PACRG: variants seen among roughly 807,000 people sequenced by gnomAD.
PACRG encodes the protein parkin coregulated.
In PACRG, 29 loss-of-function variants were observed where a neutral mutation model predicts 29.7. That is an observed-to-expected ratio of 0.98 (90% CI 0.73 to 1.33). PACRG has a LOEUF of 1.33. Ranked by LOEUF, PACRG falls within the 40% of genes most tolerant of loss-of-function variation. The pLI is 0.00. For missense variants in PACRG, 279 were observed against 316.2 expected, an observed-to-expected ratio of 0.88 and a Z score of 0.89; for synonymous variants, 116 against 118.7, an observed-to-expected ratio of 0.98 and a Z score of 0.15.
intron 3 of PACRG, among the ~76,000 whole-genome samples, chr6:163,083,244 C>T (rs1482149534): frequency 6.6e-6 from 1 of 152,188 alleles, no homozygotes; most frequent in Non-Finnish European, 1.5e-5. Context: ...CAAAGTCACT[C>T]CTCTGCTCAC....
chr6:162,845,355 T>C (rs1001899512), intron 2 of PACRG, among the ~76,000 whole-genome samples: 11 of 152,108 alleles, frequency 7.2e-5, no homozygotes, highest in African/African-American at 2.7e-4. Context: ...GCAAAATTCA[T>C]TGCAGTGTGG....
chr6:163,114,585 G>C (rs1815877992), intron 4 of PACRG, among the ~76,000 whole-genome samples: 1 of 152,074 alleles, frequency 6.6e-6, no homozygotes, highest in Non-Finnish European at 1.5e-5. Flanking sequence ...ATTATACTAA[G>C]TAAAATAAGC....
At chr6:162,930,107 T>A (rs1054732776) in intron 2 of PACRG, among the ~76,000 whole-genome samples, 1 of 151,882 alleles carries the variant, frequency 6.6e-6, no homozygotes, top group Admixed American at 6.6e-5. Context: ...ATCTTCAGGA[T>A]TTAAAAAAAT....
intron 3 of PACRG, among the ~76,000 whole-genome samples, chr6:163,073,072 T>C (rs1450111792): frequency 1.3e-5 from 2 of 152,136 alleles, no homozygotes; most frequent in Non-Finnish European, 2.9e-5. Context: ...AAAATACCTA[T>C]GACATTCTTC....
intron 4 of PACRG, among the ~76,000 whole-genome samples, chr6:163,210,532 C>T (rs1457332452): frequency 6.6e-6 from 1 of 152,184 alleles, no homozygotes; most frequent in Middle Eastern, 3.2e-3. Flanking sequence ...TTTCTATGGG[C>T]TGAGGACCAT....
chr6:162,881,201 A>G (rs1408259346), intron 2 of PACRG, among the ~76,000 whole-genome samples: 3 of 152,194 alleles, frequency 2.0e-5, no homozygotes, highest in Non-Finnish European at 4.4e-5. Flanking sequence ...ACGACCTGGC[A>G]GTTTTGGCTG....
intron 1 of PACRG, among the ~76,000 whole-genome samples, chr6:162,766,144 C>T (rs987616687): frequency 2.3e-4 from 35 of 152,122 alleles, no homozygotes; most frequent in African/African-American, 8.4e-4. Flanking sequence ...AGTCACAGTG[C>T]TGTGCAGTAG....
chr6:162,979,187 G>A (rs1213146243), intron 2 of PACRG, among the ~76,000 whole-genome samples: 2 of 152,108 alleles, frequency 1.3e-5, no homozygotes, highest in East Asian at 1.9e-4. Context: ...AGTCCAAGAT[G>A]CCTTTACTCT....
At chr6:162,760,542 G>A (rs1782268262) in intron 1 of PACRG, among the ~76,000 whole-genome samples, 1 of 152,144 alleles carries the variant, frequency 6.6e-6, no homozygotes, top group Admixed American at 6.5e-5. Context: ...GCCAAACTAG[G>A]CGCTTATGTT....
intron 2 of PACRG, among the ~76,000 whole-genome samples, chr6:162,966,243 G>A (rs1482510432): frequency 1.3e-5 from 2 of 152,222 alleles, no homozygotes; most frequent in African/African-American, 4.8e-5. Context: ...GTGACCCAGA[G>A]TAGGTTCAGC....
intron 2 of PACRG, among the ~76,000 whole-genome samples, chr6:162,836,286 G>A (rs538038183): frequency 2.8e-3 from 421 of 151,896 alleles, no homozygotes; most frequent in Non-Finnish European, 4.5e-3. Flanking sequence ...TTCGCAATTG[G>A]GTTATGTTTT....
intron 2 of PACRG, among the ~76,000 whole-genome samples, chr6:162,852,025 A>AAGGAAGGG (rs1554291984): frequency 7.4e-6 from 1 of 135,686 alleles, no homozygotes; most frequent in Non-Finnish European, 1.6e-5. Flanking sequence ...GGAAGGAAGG[A>AAGGAAGGG]AGGAAGGAAG....
chr6:163,071,050 ATAT>A (rs1357731781), intron 3 of PACRG, among the ~76,000 whole-genome samples: 2 of 152,110 alleles, frequency 1.3e-5, no homozygotes, highest in East Asian at 1.9e-4. Context: ...GGTAAAGCAA[ATAT>A]TATTAGAGCT....
intron 2 of PACRG, among the ~76,000 whole-genome samples, chr6:163,027,117 G>A (rs1430877474): frequency 6.6e-6 from 1 of 152,160 alleles, no homozygotes; most frequent in African/African-American, 2.4e-5. Context: ...CATCTACTGT[G>A]GATTTGAATG....
At chr6:163,208,418 TTA>T (rs1780998248) in intron 4 of PACRG, among the ~76,000 whole-genome samples, 1 of 140,618 alleles carries the variant, frequency 7.1e-6, no homozygotes, top group Admixed American at 7.0e-5. Flanking sequence ...TTTACTTTTT[TTA>T]AAAAAAAAAG....
At chr6:162,837,744 C>T (rs1192031147) in intron 2 of PACRG, among the ~76,000 whole-genome samples, 1 of 152,068 alleles carries the variant, frequency 6.6e-6, no homozygotes, top group African/African-American at 2.4e-5. Flanking sequence ...TACATACACA[C>T]CGACCAGTCA....
At position 163,115,548 on chromosome 6, in the gene PACRG, T is replaced by C. The variant is rs1047602128; in HGVS notation, c.613+26140T>C. 3.3e-5 allele frequency among the ~76,000 whole-genome samples: 5 copies of C among 152,166 alleles called. No individual in the cohort carries two copies. The South Asian group carries it at 8.3e-4, about 25-fold the overall frequency. On this transcript the variant is annotated intron_variant, in intron 4 of 4. Transcript: ENST00000366888. ...TCCCCCACGCCCCTACCCTAAGAGA[T>C]AGTTTGTGTGAAAGATTATACATGA...
At position 163,217,206 on chromosome 6, in the gene PACRG, GT is replaced by G. The variant is rs1229114984; in HGVS notation, c.614-97620del. 2.0e-5 allele frequency among the ~76,000 whole-genome samples: 3 copies of G among 152,186 alleles called. No homozygotes were observed. In the East Asian group the frequency reaches 5.8e-4, roughly 29 times the overall value. On this transcript the variant is annotated intron_variant, in intron 4 of 4. Transcript: ENST00000366888. ...GTACCGCTCCCTGCAGAAGCTAGGG[GT>G]GCAGCCCGATTGTTGTAGGTATGAT...
chr6:163,284,951 A>G (rs906450683), intron 4 of PACRG, among the ~76,000 whole-genome samples: 1 of 152,166 alleles, frequency 6.6e-6, no homozygotes, highest in African/African-American at 2.4e-5. Flanking sequence ...ACCCTAAACC[A>G]AGCCACTATC....
Sources: gnomAD v4.1 joint callset for allele counts (sites outside exome capture counted in the v4.1 genomes callset) on GRCh38, gnomAD v4.1.1 for gene constraint, MANE v1.5 for transcripts, NCBI Gene and HGNC (gene_info 2026-07-23, HGNC 2026-07-21) for gene names.